Variants in ARSD observed in about 807,000 individuals in gnomAD.
ARSD encodes testis tissue sperm-binding protein Li 39a.
A neutral mutation model predicts 32.6 loss-of-function variants in ARSD; 21 were observed. That is an observed-to-expected ratio of 0.64 (90% confidence interval 0.46 to 0.93). The LOEUF (loss-of-function observed/expected upper bound fraction) is 0.93. ARSD is among the 40% of genes least tolerant of loss of function. The probability of loss-of-function intolerance (pLI) is 0.00; values close to 1 mark genes in which losing one functional copy is unlikely to be tolerated. For synonymous variants in ARSD, 224 were observed against 237.4 expected, an observed-to-expected ratio of 0.94 and a Z score of 0.52; for missense variants, 454 against 520.9, an observed-to-expected ratio of 0.87 and a Z score of 1.25.
At position 2,917,826 on chromosome X, in the gene ARSD, C is replaced by T; in HGVS notation, c.841G>A (p.Glu281Lys). 8.3e-7 allele frequency: 1 copy of T among 1,209,034 alleles called. No individual in the cohort carries two copies. The highest frequency in any genetic ancestry group is 1.1e-6 in the Non-Finnish European group (1 of 893,448). Reference sequence around the variant, plus strand: ...TACCTTTCAATATAGGAAACAGCTTCCTTTAGCATAAGACTCGCTGTTTTC... The same window carrying T: ...TACCTTTCAATATAGGAAACAGCTTTCTTTAGCATAAGACTCGCTGTTTTC... Reference protein sequence around the residue: ...LEKTASLMLKEAVSYIERHKH... With the variant: ...LEKTASLMLKKAVSYIERHKH... The change falls in exon 5 of 10, where the codon GAA becomes AAA. Residue 281 changes from glutamate to lysine, a missense_variant. Glu to Lys is a moderately conservative substitution (Grantham distance 56). Around this residue, in one of 3 missense-constraint regions of ARSD, gnomAD observed 271 missense variants for 301.0 expected, o/e 0.90. Coordinates refer to ENST00000381154, the MANE Select transcript of ARSD (RefSeq NM_001669.4).
chrX:2,928,601 G>C (rs891100814), intron 1 of ARSD, among the ~76,000 whole-genome samples: 3 of 103,591 alleles, frequency 2.9e-5, no homozygotes, highest in African/African-American at 1.1e-4. Context: ...TCGGGAGGAC[G>C]GGGCGTTGGG....
chrX:2,908,910 G>A, intron 8 of ARSD, 68 bp from the exon 9 acceptor site: 1 of 1,197,359 alleles, frequency 8.4e-7, no homozygotes, highest in Non-Finnish European at 1.1e-6. Context: ...TTGCACCTGG[G>A]AACACATCTC....
chrX:2,920,992 T>C (rs1386973418), intron 3 of ARSD, among the ~76,000 whole-genome samples: 1 of 111,742 alleles, frequency 8.9e-6, no homozygotes, highest in Non-Finnish European at 1.9e-5. Context: ...ATGTTTGTGG[T>C]GTCACAGCTC....
At chrX:2,928,978 C>T (rs2089121873) in intron 1 of ARSD, among the ~76,000 whole-genome samples, 1 of 112,375 alleles carries the variant, frequency 8.9e-6, no homozygotes, top group African/African-American at 3.2e-5. Context: ...TTCCGCCTTC[C>T]CTTCAGTTCG....
At chrX:2,918,330 G>T in intron 4 of ARSD, 103 bp from the exon 5 acceptor site, 1 of 813,324 alleles carries the variant, frequency 1.2e-6, no homozygotes, top group Non-Finnish European at 1.7e-6. Flanking sequence ...AGAAAAGTCT[G>T]CAAAGAGCAA....
intron 2 of ARSD, among the ~76,000 whole-genome samples, chrX:2,922,881 GAAAA>G (rs1297715881): frequency 2.6e-5 from 2 of 78,145 alleles, no homozygotes; most frequent in African/African-American, 5.2e-5. Context: ...AGAAAGAAAA[GAAAA>G]GAAAGAAAGA....
At chrX:2,926,062 T>A (rs1435392882) in intron 1 of ARSD, among the ~76,000 whole-genome samples, 2 of 112,063 alleles carry the variant, frequency 1.8e-5, no homozygotes, top group Non-Finnish European at 3.8e-5. Context: ...CCCAACCAAC[T>A]CAAAATTACA....
At chrX:2,927,424 TA>T (rs2089094731) in intron 1 of ARSD, among the ~76,000 whole-genome samples, 1 of 109,892 alleles carries the variant, frequency 9.1e-6, no homozygotes, top group Non-Finnish European at 1.9e-5. Context: ...CACGCCCGGC[TA>T]ATTTTTTTGT....
chrX:2,909,330 G>A (rs4892908), intron 8 of ARSD, among the ~76,000 whole-genome samples: 17,703 of 109,992 alleles, frequency 0.16, 1,155 homozygotes, highest in Admixed American at 0.22. Flanking sequence ...TGGGACTACA[G>A]GCACAAGCCA....
At chrX:2,910,078 A>G (rs2088889964) in intron 7 of ARSD, 99 bp from the exon 8 acceptor site, 1 of 1,051,357 alleles carries the variant, frequency 9.5e-7, no homozygotes, top group South Asian at 2.4e-5. Flanking sequence ...ACGCACAGCC[A>G]CCCGGATGCA....
intron 9 of ARSD, 108 bp downstream of exon 9, chrX:2,908,613 T>C (rs186431533): frequency 2.3e-5 from 15 of 640,331 alleles, no homozygotes; most frequent in African/African-American, 1.0e-4. Context: ...CATCCACCCA[T>C]CCATCCATCC....
rs2088851827 is a variant in ARSD at position 2,906,310 on chromosome X, T to C, written c.*961A>G. 9.0e-6 allele frequency: 1 copy of C among 110,581 alleles called. No individual in the cohort carries two copies. The highest frequency in any genetic ancestry group is 3.3e-5 in the African/African-American group (1 of 30,336). 9.1% of individuals were successfully genotyped at this position (110,581 alleles called of 1,213,427 possible). ...GCGCCACGACATCTAGCTAATTATT[T>C]GTTTTTTGTAGAGATGAGGTCTCAC... is the stretch of plus-strand genomic sequence containing the variant. On this transcript the variant is annotated 3_prime_UTR_variant, in exon 10 of 10. Transcript: ENST00000381154.
chrX:2,908,532 T>TC (rs1311025268), intron 9 of ARSD, among the ~76,000 whole-genome samples, 189 bp downstream of exon 9: 6 of 82,264 alleles, frequency 7.3e-5, no homozygotes, highest in African/African-American at 2.2e-4. Flanking sequence ...TCTCTCTCTC[T>TC]CTCCCCCCCC....
At chrX:2,919,317 G>A (rs111384251) in intron 4 of ARSD, among the ~76,000 whole-genome samples, 48,730 of 105,099 alleles carry the variant, frequency 0.46, 8,774 homozygotes, top group Admixed American at 0.52. Context: ...GGGGAACTGG[G>A]GACCCTGCAC....
Position 2,917,859 on chromosome X carries a change from C to T in ARSD, c.808G>A (p.Val270Ile), listed in dbSNP as rs745307112. 1 of 1,211,843 alleles carries T rather than the reference C, an allele frequency of 8.3e-7. No individual in the cohort carries two copies. The highest frequency in any genetic ancestry group is 1.8e-5 in the South Asian group (1 of 56,881). Residue 270 changes from valine (V) to isoleucine (I), a missense_variant, in exon 5 of 10, where the codon GTT becomes ATT. Transcript: ENST00000381154. The stretch of plus-strand genomic sequence containing the variant: ...ATAAGACTCGCTGTTTTCTCCAGAA[C>T]CATGGGTTGCTCCGTGACGTCATGG... ...RNHDVTEQPM[V>I]LEKTASLMLK... is the part of the protein sequence containing the mutation.
At chrX:2,909,096 A>C (rs1047770372) in intron 8 of ARSD, among the ~76,000 whole-genome samples, 2 of 111,500 alleles carry the variant, frequency 1.8e-5, no homozygotes, top group African/African-American at 6.5e-5. Context: ...ACACACACAC[A>C]CACACACCCC....
Position 2,926,351 on chromosome X carries a change from A to C in ARSD, c.45-586T>G, listed in dbSNP as rs777382491. 8.9e-5 allele frequency among the ~76,000 whole-genome samples: 10 copies of C among 111,819 alleles called. No homozygotes were observed. The South Asian group carries it at 3.4e-3, about 38-fold the overall frequency. ...AGGTCTGGGGAGTTTCTTCAGACCC[A>C]CAATAAAACTTGTTTAATCCTAAAT... On this transcript the variant is annotated intron_variant, in intron 1 of 9. Transcript: ENST00000381154.
At chrX:2,914,468 G>T in intron 6 of ARSD, 1 of 767,551 alleles carries the variant, frequency 1.3e-6, no homozygotes. Context: ...TTGAACTCCT[G>T]GTCTCAAGCC....
In ARSD at chrX:2,909,942, G is replaced by A. The variant is rs776336706; in HGVS notation, c.1173C>T (p.Arg391=). 3.6e-5 allele frequency: 43 copies of A among 1,210,935 alleles called. No homozygotes were observed. Among genetic ancestry groups the A allele is most frequent in the Non-Finnish European group, 4.8e-5 (43 of 895,332 alleles). ...CCGGCCAGTGGAAGATCCCGGGCAC[G>A]CGGATCCCACCTTCCCATCCTCCCA... ...KGMGGWEGGI[R]VPGIFHWPGV... is the part of the protein sequence containing the mutation. Residue 391 remains arginine (R), a synonymous_variant, in exon 8 of 10, where the codon CGC becomes CGT. Coordinates refer to ENST00000381154, the MANE Select transcript of ARSD (RefSeq NM_001669.4).
Sources: gnomAD v4.1 joint callset for allele counts (sites outside exome capture counted in the v4.1 genomes callset) on GRCh38, gnomAD v4.1.1 for gene constraint, gnomAD v4.1.1 regional missense constraint, MANE v1.5 for transcripts, NCBI Gene and HGNC (gene_info 2026-07-23, HGNC 2026-07-21) for gene names.